ARHGAP6: variants seen among roughly 807,000 people sequenced by gnomAD.
ARHGAP6 encodes rho GTPase-activating protein 6.
ARHGAP6 carries 16 observed loss-of-function variants against 55.7 expected under a neutral mutation model. The ratio of observed to expected loss-of-function variants is 0.29; its 90% confidence interval spans 0.19 to 0.44. The LOEUF (loss-of-function observed/expected upper bound fraction) is 0.44. Among genes scored for constraint, ARHGAP6 ranks in the 20% least tolerant of loss-of-function variants. The pLI is 1.00. For synonymous variants in ARHGAP6, 382 were observed against 360.9 expected, an observed-to-expected ratio of 1.06 and a Z score of -0.66; for missense variants, 698 against 808.9, an observed-to-expected ratio of 0.86 and a Z score of 1.66.
At chrX:11,524,579 T>G (rs1247097781) in intron 1 of ARHGAP6, among the ~76,000 whole-genome samples, 1 of 111,165 alleles carries the variant, frequency 9.0e-6, no homozygotes, top group Non-Finnish European at 1.9e-5. Context: ...TATTCTAACC[T>G]TAGCACCAAT....
chrX:11,536,984 C>T (rs1205054677), intron 1 of ARHGAP6, among the ~76,000 whole-genome samples: 4 of 112,376 alleles, frequency 3.6e-5, no homozygotes, highest in Non-Finnish European at 7.5e-5. Flanking sequence ...ATCACCATCA[C>T]AAATATTTCA....
rs1441751393 is a variant in ARHGAP6 at position 11,186,217 on chromosome X, G to A, written c.1273+19C>T. The A allele has an allele frequency of 4.2e-6, 5 of 1,195,676 alleles. No homozygotes were observed. The highest frequency in any genetic ancestry group is 5.9e-5 in the East Asian group (2 of 33,709). On this transcript the variant is annotated intron_variant, in intron 5 of 12. Coordinates refer to ENST00000337414, the MANE Select transcript of ARHGAP6 (RefSeq NM_013427.3). ...ATAAATGAAAGTCCTTAGTACTTTA[G>A]ACAGACAAGTCTACTTACCATGTTT...
At chrX:11,269,355 A>G (rs750579786) in intron 1 of ARHGAP6, among the ~76,000 whole-genome samples, 63 of 111,866 alleles carry the variant, frequency 5.6e-4, no homozygotes, top group African/African-American at 2.0e-3. Context: ...TGCTCTTTAT[A>G]TATTGTTTTG....
chrX:11,461,140 C>G lies in ARHGAP6; in HGVS notation c.588+203101G>C, dbSNP rs144791238. Among the ~76,000 whole-genome samples, 4 of 111,966 alleles carry G rather than the reference C, an allele frequency of 3.6e-5. No individual in the cohort carries two copies. In the East Asian group the frequency reaches 1.1e-3, roughly 31 times the overall value. On this transcript the variant is annotated intron_variant, in intron 1 of 12. Coordinates refer to ENST00000337414, the MANE Select transcript of ARHGAP6 (RefSeq NM_013427.3). ...AAGTAATACATGCTACTTCCATTCA[C>G]AGTCCATGCTGCAAAACCAGTCAAG...
At chrX:11,324,153 T>C (rs2048470589) in intron 1 of ARHGAP6, among the ~76,000 whole-genome samples, 1 of 111,856 alleles carries the variant, frequency 8.9e-6, no homozygotes, top group South Asian at 3.7e-4. Context: ...AGCAGAGCTT[T>C]TGAAGGAAAT....
At chrX:11,654,222 G>T (rs967535238) in intron 1 of ARHGAP6, among the ~76,000 whole-genome samples, 1 of 111,455 alleles carries the variant, frequency 9.0e-6, no homozygotes, top group African/African-American at 3.3e-5. Flanking sequence ...GTACCAGCTT[G>T]CCCAATTGTT....
At chrX:11,450,203 A>AGTGTGT (rs34050296) in intron 1 of ARHGAP6, among the ~76,000 whole-genome samples, 2,918 of 90,133 alleles carry the variant, frequency 0.032, 68 homozygotes, top group Middle Eastern at 0.065. Flanking sequence ...ACAAATAATA[A>AGTGTGT]GTGTGTGTGT....
chrX:11,215,051 C>G (rs2046860412), intron 2 of ARHGAP6, among the ~76,000 whole-genome samples: 2 of 113,281 alleles, frequency 1.8e-5, no homozygotes, highest in African/African-American at 6.4e-5. Context: ...AGAGCTGGAG[C>G]TGCCCAGGTG....
At chrX:11,273,460 T>C (rs1485241849) in intron 1 of ARHGAP6, among the ~76,000 whole-genome samples, 1 of 110,069 alleles carries the variant, frequency 9.1e-6, no homozygotes, top group African/African-American at 3.3e-5. Context: ...TTCAGTGATA[T>C]GAACATAAAG....
chrX:11,298,899 C>T (rs759964053), intron 1 of ARHGAP6: 1 of 1,209,159 alleles, frequency 8.3e-7, no homozygotes, highest in East Asian at 3.0e-5. Flanking sequence ...CCCCATGCAG[C>T]CCCTGCCTCC....
chrX:11,361,022 G>A (rs1371635335), intron 1 of ARHGAP6, among the ~76,000 whole-genome samples: 1 of 110,967 alleles, frequency 9.0e-6, no homozygotes, highest in African/African-American at 3.3e-5. Flanking sequence ...AGAAATGGAA[G>A]AACATTCCAT....
At chrX:11,550,724 T>C (rs1275121124) in intron 1 of ARHGAP6, among the ~76,000 whole-genome samples, 1 of 112,199 alleles carries the variant, frequency 8.9e-6, no homozygotes, top group Non-Finnish European at 1.9e-5. Context: ...ATCATTGGAA[T>C]AACTGCATGT....
intron 9 of ARHGAP6, among the ~76,000 whole-genome samples, chrX:11,165,986 T>C (rs1459379088): frequency 8.9e-6 from 1 of 112,101 alleles, no homozygotes; most frequent in Non-Finnish European, 1.9e-5. Flanking sequence ...ATATCTGCTA[T>C]TATGATCTAT....
At chrX:11,167,789 A>T (rs1247728394) in intron 9 of ARHGAP6, among the ~76,000 whole-genome samples, 1 of 112,440 alleles carries the variant, frequency 8.9e-6, no homozygotes, top group Non-Finnish European at 1.9e-5. Context: ...ATGATATGTG[A>T]CTTAAACTTG....
At chrX:11,463,642 G>A (rs772252570) in intron 1 of ARHGAP6, among the ~76,000 whole-genome samples, 7 of 112,062 alleles carry the variant, frequency 6.2e-5, no homozygotes, top group Non-Finnish European at 9.4e-5. Flanking sequence ...AACCCAGCCT[G>A]TAATTCAAAC....
chrX:11,209,762 C>T lies in ARHGAP6; in HGVS notation c.749-12766G>A, dbSNP rs1384522805. ...CATCACTCCATGGCCAATGGATCTACTTGATCCTGAAATAATTGTGAGTGG... is the reference window on the plus strand; with the variant it reads ...CATCACTCCATGGCCAATGGATCTATTTGATCCTGAAATAATTGTGAGTGG... On this transcript the variant is annotated intron_variant, in intron 2 of 12. Transcript: ENST00000337414. 2.7e-5 allele frequency among the ~76,000 whole-genome samples: 3 copies of T among 111,798 alleles called. No homozygotes were observed. In the East Asian group the frequency reaches 8.4e-4, roughly 31 times the overall value.
At chrX:11,339,689 A>G (rs1475169451) in intron 1 of ARHGAP6, among the ~76,000 whole-genome samples, 2 of 111,628 alleles carry the variant, frequency 1.8e-5, no homozygotes, top group Non-Finnish European at 3.8e-5. Context: ...TGATGACACA[A>G]ATTTCTCTCT....
chrX:11,252,835 A>G (rs982083447), intron 2 of ARHGAP6, among the ~76,000 whole-genome samples: 4 of 111,869 alleles, frequency 3.6e-5, no homozygotes, highest in African/African-American at 1.3e-4. Context: ...AAGACTCACT[A>G]TCCAAAGAAA....
chrX:11,209,161 A>G (rs1473894873), intron 2 of ARHGAP6, among the ~76,000 whole-genome samples: 1 of 112,255 alleles, frequency 8.9e-6, no homozygotes, highest in African/African-American at 3.2e-5. Flanking sequence ...ATTTTATTTG[A>G]GACAGAGTCT....
Sources: allele counts gnomAD v4.1 joint callset (sites outside exome capture counted in the v4.1 genomes callset), GRCh38; gene constraint gnomAD v4.1.1; transcripts MANE v1.5; gene names NCBI Gene and HGNC (gene_info 2026-07-23, HGNC 2026-07-21).